The following AGO2 variants were observed in gnomAD, a reference collection of about 807,000 sequenced individuals.
AGO2 encodes the protein argonaute RISC catalytic component 2.
In AGO2, 5 loss-of-function variants were observed where a neutral mutation model predicts 102.3. The observed-to-expected ratio is 0.05, with a 90% CI of 0.03 to 0.10. The LOEUF is 0.10. AGO2 is among the 10% of genes least tolerant of loss of function. AGO2 has a pLI of 1.00. For missense variants in AGO2, 541 were observed against 1,183.7 expected, an observed-to-expected ratio of 0.46 and a Z score of 7.97; for synonymous variants, 449 against 473.1, an observed-to-expected ratio of 0.95 and a Z score of 0.66.
rs1240080822 is a variant in AGO2, at chr8:140,530,737, C to T, written c.*1307G>A. On this transcript the variant is annotated 3_prime_UTR_variant, in exon 19 of 19. Transcript: ENST00000220592. ...TTCGCTGTGACCGACGGCCTCACGC[C>T]CAGCAGAGCCACCACCAACAGCTTT... 1 of 152,358 alleles carries T rather than the reference C, an allele frequency of 6.6e-6. No individual in the cohort carries two copies. Among genetic ancestry groups the T allele is most frequent in the African/African-American group, 2.4e-5 (1 of 41,476 alleles). The allele number at this position is 152,358 out of a possible 1,614,324, so 9.4% of individuals were successfully genotyped here.
At chr8:140,576,614 T>A (rs758233615) in intron 2 of AGO2, among the ~76,000 whole-genome samples, 1 of 152,036 alleles carries the variant, frequency 6.6e-6, no homozygotes, top group Non-Finnish European at 1.5e-5. Context: ...AGGGTAACAA[T>A]ACCAAGAGCT....
chr8:140,562,628 G>A lies in AGO2; in HGVS notation c.343C>T (p.Leu115=). 1 of 1,613,358 alleles carries A rather than the reference G, an allele frequency of 6.2e-7. No homozygotes were observed. Among genetic ancestry groups the A allele is most frequent in the Non-Finnish European group, 8.5e-7 (1 of 1,179,816 alleles). Reference sequence around the variant, plus strand: ...CCTTCTCCTGGCAGCGTGACCTCCAGCTCCACCTGCGAGGATCCAAGGCAC... The same window carrying A: ...CCTTCTCCTGGCAGCGTGACCTCCAACTCCACCTGCGAGGATCCAAGGCAC... ...PLPIGRDKVE[L]EVTLPGEGKD... is the part of the protein sequence containing the mutation. The change falls in exon 4 of 19, where the codon CTG becomes TTG. Residue 115 remains leucine, a synonymous_variant. Transcript: ENST00000220592.
Position 140,607,458 on chromosome 8 carries a change from TTATATATATATATATATATA to T in AGO2, c.23-22167_23-22148del, listed in dbSNP as rs1167371585. Among the ~76,000 whole-genome samples, 502 of 69,532 alleles carry T rather than the reference TTATATATATATATATATATA, an allele frequency of 7.2e-3. 3 individuals carry two copies. Among genetic ancestry groups the T allele is most frequent in the Admixed American group, 0.01 (57 of 5,500 alleles). 45.6% of individuals were successfully genotyped at this position (69,532 alleles called of 152,430 possible). A position where few individuals can be genotyped will look rare whatever the true frequency, so the allele number is the denominator to read the frequency against. The stretch of plus-strand genomic sequence containing the variant: ...CTCACCCCCACCTCTTAAAGAAAAA[TTATATATATATATATATATA>T]TATATATATATATATATATATATAT... On this transcript the variant is annotated intron_variant, in intron 1 of 18. Transcript: ENST00000220592.
At chr8:140,559,144 C>T (rs771634140) in intron 6 of AGO2, among the ~76,000 whole-genome samples, 2 of 152,214 alleles carry the variant, frequency 1.3e-5, no homozygotes, top group Non-Finnish European at 2.9e-5. Context: ...GTCCTGAGAT[C>T]ATGACTCAGA....
intron 14 of AGO2, among the ~76,000 whole-genome samples, chr8:140,543,991 G>C (rs1017330352): frequency 1.3e-5 from 2 of 152,234 alleles, no homozygotes; most frequent in Non-Finnish European, 2.9e-5. Flanking sequence ...ATAGGCATGA[G>C]CCCCTATGCC....
intron 2 of AGO2, 130 bp from the exon 3 acceptor site, chr8:140,573,062 T>A: frequency 1.8e-6 from 2 of 1,106,496 alleles, no homozygotes; most frequent in Non-Finnish European, 1.2e-6. Context: ...CAGGCTGGAG[T>A]GCAATGGCGT....
At chr8:140,600,109 A>G (rs1449898593) in intron 1 of AGO2, among the ~76,000 whole-genome samples, 1 of 152,272 alleles carries the variant, frequency 6.6e-6, no homozygotes, top group African/African-American at 2.4e-5. Flanking sequence ...TGGCAGGCAC[A>G]CTGTTAGAGC....
intron 1 of AGO2, among the ~76,000 whole-genome samples, chr8:140,595,497 C>T (rs887647468): frequency 6.7e-6 from 1 of 149,452 alleles, no homozygotes; most frequent in Non-Finnish European, 1.5e-5. Context: ...CAGAATCTCA[C>T]TCTGTTGCCG....
rs1448667605 is a variant in AGO2, at chr8:140,521,951, T to A, written c.*10093A>T. The A allele has an allele frequency of 4.6e-5, 7 of 152,168 alleles. No individual in the cohort carries two copies. Among genetic ancestry groups the A allele is most frequent in the Non-Finnish European group, 8.8e-5 (6 of 68,026 alleles). 9.4% of individuals were successfully genotyped at this position (152,168 alleles called of 1,614,324 possible). ...AAGTGATAAGCTATAAATATGTGCATAGAGGAGTTTGGACTTTATTGTTTG... is the reference window on the plus strand; with the variant it reads ...AAGTGATAAGCTATAAATATGTGCAAAGAGGAGTTTGGACTTTATTGTTTG... On this transcript the variant is annotated 3_prime_UTR_variant, in exon 19 of 19. Transcript: ENST00000220592.
At position 140,526,200 on chromosome 8, in the gene AGO2, AGAG is replaced by A. The variant is rs2072502695; in HGVS notation, c.*5841_*5843del. 1 of 152,232 alleles carries A rather than the reference AGAG, an allele frequency of 6.6e-6. No homozygotes were observed. The allele number at this position is 152,232 out of a possible 1,614,324, so 9.4% of individuals were successfully genotyped here. ...TGTGATTTTACAGAGTGTATAAAAGAGAGGAGAGGACAGAGGAGGCCATTTTCA... is the reference window on the plus strand; with the variant it reads ...TGTGATTTTACAGAGTGTATAAAAGAGAGAGGACAGAGGAGGCCATTTTCA... On this transcript the variant is annotated 3_prime_UTR_variant, in exon 19 of 19. Transcript: ENST00000220592. This position sits in a 1 kb window ranked among gnomAD's most constrained non-coding sequence, Gnocchi z 5.2.
chr8:140,560,275 T>C (rs2132940689), intron 5 of AGO2, 99 bp downstream of exon 5: 2 of 1,504,356 alleles, frequency 1.3e-6, no homozygotes, highest in South Asian at 1.2e-5. Flanking sequence ...ACAGAGGCCA[T>C]GCGTGGAGCT....
chr8:140,546,348 C>T (rs1265273262), intron 13 of AGO2, among the ~76,000 whole-genome samples: 5 of 152,236 alleles, frequency 3.3e-5, no homozygotes, highest in Admixed American at 6.5e-5. Context: ...GCACTGTGTC[C>T]GTCCACTTGC....
intron 16 of AGO2, among the ~76,000 whole-genome samples, chr8:140,536,678 C>T (rs2072704239): frequency 1.3e-5 from 2 of 152,186 alleles, no homozygotes; most frequent in Admixed American, 1.3e-4. Context: ...TTTATTTCTT[C>T]TTCAGTTTCT....
Position 140,583,445 on chromosome 8 carries a change from G to A in AGO2, c.215+1674C>T, listed in dbSNP as rs573792080. Among the ~76,000 whole-genome samples, 3 of 152,338 alleles carry A rather than the reference G, an allele frequency of 2.0e-5. No individual in the cohort carries two copies. The South Asian group carries it at 6.2e-4, about 32-fold the overall frequency. ...AATTCACTCAGGCAATTTCATTGCA[G>A]TGTGAACATCATAGAGTATATTTAC... On this transcript the variant is annotated intron_variant, in intron 2 of 18. Coordinates refer to ENST00000220592, the MANE Select transcript of AGO2 (RefSeq NM_012154.5).
chr8:140,560,531 C>A (rs1232417068), intron 4 of AGO2, 21 bp from the exon 5 acceptor site: 2 of 1,601,396 alleles, frequency 1.2e-6, no homozygotes, highest in Admixed American at 3.4e-5. Context: ...GAGACCCCAC[C>A]CCGCCTCCCG....
At chr8:140,542,454 G>A (rs991857139) in intron 14 of AGO2, among the ~76,000 whole-genome samples, 41 of 151,646 alleles carry the variant, frequency 2.7e-4, no homozygotes, top group Non-Finnish European at 1.5e-5. Flanking sequence ...AATAAACTCT[G>A]TAATGTTTCC....
intron 11 of AGO2, among the ~76,000 whole-genome samples, chr8:140,549,603 G>A (rs139116128): frequency 4.7e-4 from 71 of 152,368 alleles, no homozygotes; most frequent in Middle Eastern, 3.4e-3. Flanking sequence ...GCTGCCTCGC[G>A]GCTGTGGCGG....
chr8:140,618,952 G>A (rs2152105924), intron 1 of AGO2, among the ~76,000 whole-genome samples: 1 of 150,844 alleles, frequency 6.6e-6, no homozygotes, highest in East Asian at 2.0e-4. Flanking sequence ...GGAAAGAACA[G>A]TTTTTTTAAA....
intron 2 of AGO2, among the ~76,000 whole-genome samples, chr8:140,581,244 C>A (rs182434313): frequency 1.3e-5 from 2 of 152,112 alleles, no homozygotes. Flanking sequence ...CTCTACTAAA[C>A]AGGCTCACGC....
Sources: allele counts gnomAD v4.1 joint callset (sites outside exome capture counted in the v4.1 genomes callset), GRCh38; gene constraint gnomAD v4.1.1; non-coding constraint Gnocchi (gnomAD v3.1); transcripts MANE v1.5; gene names NCBI Gene and HGNC (gene_info 2026-07-23, HGNC 2026-07-21).